GRM7: variants seen among roughly 807,000 people sequenced by gnomAD.
GRM7 encodes glutamate metabotropic receptor 7, also known as metabotropic glutamate receptor 7.
In GRM7, 35 loss-of-function variants were observed where a neutral mutation model predicts 84.5. The observed-to-expected ratio is 0.41, with a 90% CI of 0.32 to 0.55. The LOEUF (loss-of-function observed/expected upper bound fraction) is 0.55, where lower values mean the gene tolerates loss of function less well. GRM7 is among the 20% of genes least tolerant of loss of function. The probability of loss-of-function intolerance (pLI) is 0.19; values close to 1 mark genes in which losing one functional copy is unlikely to be tolerated. For missense variants in GRM7, 1,003 were observed against 1,194.6 expected (o/e 0.84, Z 2.36); for synonymous variants, 487 against 455.1 (o/e 1.07, Z -0.89).
chr3:7,440,569 C>T (rs1436538250), intron 5 of GRM7, among the ~76,000 whole-genome samples: 2 of 152,080 alleles, frequency 1.3e-5, no homozygotes, highest in South Asian at 2.1e-4. Context: ...AATTGAGTGT[C>T]GTCGGGGCTT....
At position 7,240,120 on chromosome 3, in the gene GRM7, GTTTTTTTTTTTT is replaced by G. The variant is rs397988598; in HGVS notation, c.737-58551_737-58540del. Among the ~76,000 whole-genome samples the G allele has an allele frequency of 1.3e-4, 7 of 52,732 alleles. No homozygotes were observed. The East Asian group carries it at 4.1e-3, about 31-fold the overall frequency. The allele number at this position is 52,732 out of a possible 152,430, so 34.6% of individuals were successfully genotyped here. A position where few individuals can be genotyped will look rare whatever the true frequency, so the allele number is the denominator to read the frequency against. Reference sequence around the variant, plus strand: ...TACCAGTAATCTTTTAGCATGTGAGGTTTTTTTTTTTTTTTTTTTTTTTTCCAGTGGCTTAAT... The same window carrying G: ...TACCAGTAATCTTTTAGCATGTGAGGTTTTTTTTTTTTCCAGTGGCTTAAT... On this transcript the variant is annotated intron_variant, in intron 2 of 9. Transcript: ENST00000357716.
chr3:7,739,064 C>T (rs921114872), intron 9 of GRM7, among the ~76,000 whole-genome samples: 1 of 152,082 alleles, frequency 6.6e-6, no homozygotes, highest in Non-Finnish European at 1.5e-5. Context: ...TCTTATTTAC[C>T]TTTTTGTATT....
At chr3:7,460,708 A>G (rs1698211179) in intron 6 of GRM7, among the ~76,000 whole-genome samples, 1 of 152,190 alleles carries the variant, frequency 6.6e-6, no homozygotes, top group East Asian at 1.9e-4. Context: ...TTCGTTTGTA[A>G]CTATTGCTGA....
At chr3:7,638,380 T>C (rs1698196819) in intron 8 of GRM7, among the ~76,000 whole-genome samples, 1 of 152,064 alleles carries the variant, frequency 6.6e-6, no homozygotes, top group African/African-American at 2.4e-5. Context: ...TCAAAATAAC[T>C]CTCTAAGGAA....
At chr3:7,377,018 A>G (rs993539431) in intron 4 of GRM7, among the ~76,000 whole-genome samples, 4 of 152,248 alleles carry the variant, frequency 2.6e-5, no homozygotes, top group African/African-American at 7.2e-5. Flanking sequence ...ACTGCTGGAG[A>G]CAAAGTAGAC....
intron 8 of GRM7, among the ~76,000 whole-genome samples, chr3:7,634,612 G>C (rs960778512): frequency 2.0e-5 from 3 of 151,640 alleles, no homozygotes; most frequent in African/African-American, 7.3e-5. Context: ...AGCTAACAGA[G>C]TGAAACACCA....
intron 2 of GRM7, among the ~76,000 whole-genome samples, chr3:7,213,824 C>T (rs921557739): frequency 2.6e-5 from 4 of 152,038 alleles, no homozygotes; most frequent in African/African-American, 9.7e-5. Flanking sequence ...AAACCAGCTG[C>T]CAGTACTCCC....
intron 1 of GRM7, among the ~76,000 whole-genome samples, chr3:6,908,584 T>C (rs1471250451): frequency 2.6e-5 from 4 of 152,174 alleles, no homozygotes; most frequent in East Asian, 1.9e-4. Flanking sequence ...CACAGGTGAT[T>C]ATCCACTGGT....
chr3:6,939,549 T>C (rs1692639149), intron 1 of GRM7, among the ~76,000 whole-genome samples: 1 of 152,172 alleles, frequency 6.6e-6, no homozygotes, highest in African/African-American at 2.4e-5. Context: ...AGATTCTGTA[T>C]GTGTCATGAA....
chr3:6,980,283 G>C (rs920127482), intron 1 of GRM7, among the ~76,000 whole-genome samples: 3 of 151,998 alleles, frequency 2.0e-5, no homozygotes, highest in Non-Finnish European at 4.4e-5. Flanking sequence ...ATATTTTTGA[G>C]GCCATAGACC....
chr3:7,701,732 G>A (rs1165683118), intron 9 of GRM7, among the ~76,000 whole-genome samples: 3 of 152,242 alleles, frequency 2.0e-5, no homozygotes, highest in Admixed American at 6.5e-5. Flanking sequence ...ATTCCTAAGA[G>A]AAGATGTTCT....
intron 2 of GRM7, among the ~76,000 whole-genome samples, chr3:7,239,244 A>G (rs1241598083): frequency 6.6e-6 from 1 of 151,660 alleles, no homozygotes; most frequent in Admixed American, 6.6e-5. Context: ...CAAGAGATTC[A>G]CTCATCTTGG....
intron 8 of GRM7, among the ~76,000 whole-genome samples, chr3:7,652,178 T>TCC (rs1698974490): frequency 6.6e-6 from 1 of 152,152 alleles, no homozygotes; most frequent in Non-Finnish European, 1.5e-5. Flanking sequence ...AAGTTAGTCT[T>TCC]CCAAACTGGT....
At chr3:7,535,488 A>T (rs2125009842) in intron 7 of GRM7, among the ~76,000 whole-genome samples, 1 of 152,342 alleles carries the variant, frequency 6.6e-6, no homozygotes, top group South Asian at 2.1e-4. Flanking sequence ...GGTAGGCCCA[A>T]GGGAAGCTCA....
At chr3:7,213,419 G>A (rs870739) in intron 2 of GRM7, among the ~76,000 whole-genome samples, 18,002 of 152,000 alleles carry the variant, frequency 0.12, 3,081 homozygotes, top group African/African-American at 0.38. Context: ...GAGATCACCC[G>A]CTTCAATCTC....
intron 1 of GRM7, among the ~76,000 whole-genome samples, chr3:6,881,387 C>T (rs1240967): frequency 0.3 from 45,507 of 151,908 alleles, 7,184 homozygotes; most frequent in South Asian, 0.45. Flanking sequence ...TGAGAACATG[C>T]GGTGTTTGGT....
At chr3:7,658,180 C>A (rs934360947) in intron 8 of GRM7, among the ~76,000 whole-genome samples, 1 of 152,148 alleles carries the variant, frequency 6.6e-6, no homozygotes, top group African/African-American at 2.4e-5. Context: ...CTAAATGAAT[C>A]TTTGAAGCAT....
chr3:7,569,581 C>T (rs11131080), intron 7 of GRM7, among the ~76,000 whole-genome samples: 23,692 of 152,106 alleles, frequency 0.16, 2,196 homozygotes, highest in Middle Eastern at 0.29. Flanking sequence ...TCCCCTTCCA[C>T]GCCGTGGAAG....
intron 4 of GRM7, among the ~76,000 whole-genome samples, chr3:7,390,635 A>G (rs1305983288): frequency 6.6e-6 from 1 of 151,992 alleles, no homozygotes; most frequent in Non-Finnish European, 1.5e-5. Context: ...CTTCTGTTTC[A>G]CTTAGTCTGT....
Sources: gnomAD v4.1 joint callset for allele counts (sites outside exome capture counted in the v4.1 genomes callset) on GRCh38, gnomAD v4.1.1 for gene constraint, MANE v1.5 for transcripts, NCBI Gene and HGNC (gene_info 2026-07-23, HGNC 2026-07-21) for gene names.